The following BCL11B variants were observed in gnomAD, a reference collection of about 807,000 sequenced individuals.
BCL11B encodes B-cell lymphoma/leukemia 11B.
Under a neutral mutation model 49.9 loss-of-function variants are expected in BCL11B, and 8 were observed. The ratio of observed to expected loss-of-function variants is 0.16; its 90% CI spans 0.09 to 0.29. The LOEUF is 0.29. BCL11B is among the 10% of genes least tolerant of loss of function. The pLI is 1.00. For missense variants in BCL11B, 1,006 were observed against 1,351.0 expected (o/e 0.74, Z 4.00); for synonymous variants, 739 against 637.4 (o/e 1.16, Z -2.40).
intron 3 of BCL11B, among the ~76,000 whole-genome samples, chr14:99,204,245 G>A (rs1400778732): frequency 1.3e-5 from 2 of 152,144 alleles, no homozygotes; most frequent in Non-Finnish European, 2.9e-5. Flanking sequence ...CTGCCTGGTG[G>A]GCCTCTGGGG....
chr14:99,174,912 A>G lies in BCL11B; in HGVS notation c.1924T>C (p.Cys642Arg). 8.7e-7 allele frequency: 1 copy of G among 1,143,534 alleles called. No individual in the cohort carries two copies. Among genetic ancestry groups the G allele is most frequent in the Non-Finnish European group, 1.1e-6 (1 of 927,218 alleles). The allele number at this position is 1,143,534 out of a possible 1,614,324, so 70.8% of individuals were successfully genotyped here. A position where few individuals can be genotyped will look rare whatever the true frequency, so the allele number is the denominator to read the frequency against. ...GCGCCGCCCGCGCCCGCGTCCCCGC[A>G]GCCGCCCGCGTCGTCGTCGTCGCCC... ...DAGDDDDAGG[C>R]GDAGAGGAVN... The change falls in exon 4 of 4, where the codon TGC becomes CGC. Residue 642 changes from cysteine to arginine, a missense_variant. Cys to Arg is a radical substitution (Grantham distance 180). This residue lies in a region of BCL11B where 443 missense variants were observed against 499.7 expected (regional missense o/e 0.89). Transcript: ENST00000357195.
chr14:99,250,402 T>C (rs1888974844), intron 2 of BCL11B, among the ~76,000 whole-genome samples: 1 of 150,100 alleles, frequency 6.7e-6, no homozygotes, highest in South Asian at 2.3e-4. Context: ...CACTCCAGCC[T>C]GGGCGACAGC....
In BCL11B at chr14:99,175,084, G is replaced by C; in HGVS notation, c.1752C>G (p.Ala584=). 1 of 1,600,886 alleles carries C rather than the reference G, an allele frequency of 6.2e-7. No homozygotes were observed. The highest frequency in any genetic ancestry group is 8.5e-7 in the Non-Finnish European group (1 of 1,177,484). Residue 584 remains alanine (A), a synonymous_variant, in exon 4 of 4, where the codon GCC becomes GCG. Transcript: ENST00000357195. ...PGVPGAGGGA[A]KALADEKALV... ...GCGCCTTCTCGTCAGCCAGCGCCTTGGCCGCGCCGCCCCCCGCGCCCGGGA... is the reference window on the plus strand; with the variant it reads ...GCGCCTTCTCGTCAGCCAGCGCCTTCGCCGCGCCGCCCCCCGCGCCCGGGA...
rs1888314714 is a variant in BCL11B at position 99,231,019 on chromosome 14, G to A, written c.640+326C>T. Among the ~76,000 whole-genome samples, 1 of 152,164 alleles carries A rather than the reference G, an allele frequency of 6.6e-6. No individual in the cohort carries two copies. The highest frequency in any genetic ancestry group is 1.5e-5 in the Non-Finnish European group (1 of 68,038). ...TGGGGGAGGGGGTGGCAGTGGCAAG[G>A]GCCGAAGAAAACCTCAGATGTTAAG... On this transcript the variant is annotated intron_variant, in intron 3 of 3. Coordinates refer to ENST00000357195, the MANE Select transcript of BCL11B (RefSeq NM_138576.4). The surrounding 1 kb of genome is among the most constrained non-coding windows in gnomAD (Gnocchi z 8.1).
At chr14:99,191,476 A>G (rs1887028200) in intron 3 of BCL11B, among the ~76,000 whole-genome samples, 1 of 152,056 alleles carries the variant, frequency 6.6e-6, no homozygotes, top group South Asian at 2.1e-4. Flanking sequence ...AGAGGTGGAG[A>G]GAATTGAAAA....
chr14:99,251,542 G>A (rs1039709374), intron 2 of BCL11B, among the ~76,000 whole-genome samples: 1 of 152,094 alleles, frequency 6.6e-6, no homozygotes, highest in Non-Finnish European at 1.5e-5. Context: ...ATGCAACAGT[G>A]AATATAAAAT....
intron 3 of BCL11B, among the ~76,000 whole-genome samples, 198 bp from the exon 4 acceptor site, chr14:99,176,393 T>G (rs1180870197): frequency 6.6e-6 from 1 of 152,046 alleles, no homozygotes; most frequent in Admixed American, 6.5e-5. Flanking sequence ...AAGACGCAGG[T>G]CTGTGGGCGG....
chr14:99,191,414 AAT>A (rs1491221844), intron 3 of BCL11B, among the ~76,000 whole-genome samples: 2 of 152,078 alleles, frequency 1.3e-5, no homozygotes, highest in African/African-American at 4.8e-5. Flanking sequence ...AAAAAAAAAA[AAT>A]AGACTGAAAG....
Position 99,174,378 on chromosome 14 carries a change from C to T in BCL11B, c.2458G>A (p.Gly820Ser). The T allele has an allele frequency of 6.2e-7, 1 of 1,613,492 alleles. No individual in the cohort carries two copies. ...NLTVHRRSHTGERPYKCELCN... is the reference protein window; with the variant it reads ...NLTVHRRSHTSERPYKCELCN... ...AGCTCGCACTTGTAAGGCCGCTCGC[C>T]GGTGTGGCTCCGCCGGTGCACCGTC... Residue 820 changes from glycine (G) to serine (S), a missense_variant, in exon 4 of 4, where the codon GGC becomes AGC. Transcript: ENST00000357195.
In BCL11B at chr14:99,171,630, GCAATAA is replaced by G. The variant is rs1263608387; in HGVS notation, c.*2515_*2520del. The G allele has an allele frequency of 4.8e-6, 1 of 208,484 alleles. No individual in the cohort carries two copies. Among genetic ancestry groups the G allele is most frequent in the African/African-American group, 2.3e-5 (1 of 43,662 alleles). The allele number at this position is 208,484 out of a possible 1,614,324, so 12.9% of individuals were successfully genotyped here. ...ATGTGATTTTTTTTTTTTCTGCAAA[GCAATAA>G]CAATATTAAGCACTTTTTTTCTACA... On this transcript the variant is annotated 3_prime_UTR_variant, in exon 4 of 4. Coordinates refer to ENST00000357195, the MANE Select transcript of BCL11B (RefSeq NM_138576.4).
intron 3 of BCL11B, among the ~76,000 whole-genome samples, chr14:99,219,376 C>T (rs757933324): frequency 5.3e-5 from 8 of 152,138 alleles, no homozygotes; most frequent in Non-Finnish European, 8.8e-5. Context: ...CAGTCTGTGC[C>T]CATTTGCTAC....
intron 3 of BCL11B, among the ~76,000 whole-genome samples, chr14:99,229,104 A>T (rs1888250289): frequency 6.9e-6 from 1 of 145,818 alleles, no homozygotes; most frequent in South Asian, 2.2e-4. Context: ...GGATGGATGG[A>T]TGGATACAGG....
At chr14:99,223,747 C>A (rs902883584) in intron 3 of BCL11B, among the ~76,000 whole-genome samples, 2 of 152,164 alleles carry the variant, frequency 1.3e-5, no homozygotes, top group African/African-American at 4.8e-5. Context: ...CAGTCAGGCA[C>A]CACTTGTGCT....
rs186458830 is a variant in BCL11B at position 99,180,562 on chromosome 14, A to C, written c.641-4367T>G. Among the ~76,000 whole-genome samples the C allele has an allele frequency of 2.0e-5, 3 of 152,274 alleles. No individual in the cohort carries two copies. The East Asian group carries it at 5.8e-4, about 29-fold the overall frequency. ...AAGGAGGAATTCAGTCAATTCATTT[A>C]ACCTCTCTGAGGCTTGACTTCCTCA... is the stretch of plus-strand genomic sequence containing the variant. On this transcript the variant is annotated intron_variant, in intron 3 of 3. Coordinates refer to ENST00000357195, the MANE Select transcript of BCL11B (RefSeq NM_138576.4).
chr14:99,220,764 A>G (rs903781890), intron 3 of BCL11B, among the ~76,000 whole-genome samples: 2 of 152,190 alleles, frequency 1.3e-5, no homozygotes, highest in African/African-American at 4.8e-5. Flanking sequence ...AAAAAAACTC[A>G]CAATCGAAGC....
In BCL11B at chr14:99,254,699, C is replaced by G. The variant is rs1041143671; in HGVS notation, c.427+2772G>C. On this transcript the variant is annotated intron_variant, in intron 2 of 3. Coordinates refer to ENST00000357195, the MANE Select transcript of BCL11B (RefSeq NM_138576.4). ...GGGATTGGAGGACTCCTTGGAGCCC[C>G]GGCCAGGAGGCAGAAGCCTGGAGGG... Among the ~76,000 whole-genome samples the G allele has an allele frequency of 2.0e-5, 3 of 152,216 alleles. No individual in the cohort carries two copies. In the East Asian group the frequency reaches 5.8e-4, roughly 29 times the overall value.
intron 1 of BCL11B, among the ~76,000 whole-genome samples, chr14:99,269,689 TATAAC>T (rs1332640381): frequency 6.7e-6 from 1 of 150,068 alleles, no homozygotes; most frequent in Non-Finnish European, 1.5e-5. Flanking sequence ...TTTTTTAAAA[TATAAC>T]ATAAATATTC....
At chr14:99,259,572 T>A (rs1240884787) in intron 1 of BCL11B, among the ~76,000 whole-genome samples, 1 of 152,166 alleles carries the variant, frequency 6.6e-6, no homozygotes, top group Non-Finnish European at 1.5e-5. Flanking sequence ...GAGCCCTCGA[T>A]GAATTAAATG....
chr14:99,176,199 G>T lies in BCL11B; in HGVS notation c.641-4C>A. Reference sequence around the variant, plus strand: ...TAGCTGGAAGGCTCATCTTTACCTGGGGAAACACACGGACAGAAAGGCAGA... The same window carrying T: ...TAGCTGGAAGGCTCATCTTTACCTGTGGAAACACACGGACAGAAAGGCAGA... On this transcript the variant is annotated splice_region_variant and splice_polypyrimidine_tract_variant and intron_variant, in intron 3 of 3. Transcript: ENST00000357195. 6.2e-7 allele frequency: 1 copy of T among 1,610,018 alleles called. No individual in the cohort carries two copies. The highest frequency in any genetic ancestry group is 8.5e-7 in the Non-Finnish European group (1 of 1,178,336).
Sources: allele counts gnomAD v4.1 joint callset (sites outside exome capture counted in the v4.1 genomes callset), GRCh38; gene constraint gnomAD v4.1.1; regional missense constraint gnomAD v4.1.1; non-coding constraint Gnocchi (gnomAD v3.1); transcripts MANE v1.5; gene names NCBI Gene and HGNC (gene_info 2026-07-23, HGNC 2026-07-21).